The following UGGT2 variants were observed in gnomAD, a reference collection of about 807,000 sequenced individuals.
UGGT2 encodes the protein UDP-glucose glycoprotein glucosyltransferase 2.
A neutral mutation model predicts 192.1 loss-of-function variants in UGGT2; 180 were observed. The observed-to-expected ratio is 0.94, with a 90% CI of 0.83 to 1.06. The LOEUF (loss-of-function observed/expected upper bound fraction) is 1.06. UGGT2 is among the 50% of genes least tolerant of loss of function. The pLI is 0.00. For synonymous variants in UGGT2, 580 were observed against 591.0 expected (o/e 0.98, Z 0.27); for missense variants, 1,849 against 1,795.7 (o/e 1.03, Z -0.54).
In UGGT2 at chr13:95,890,945, G is replaced by A; in HGVS notation, c.2875C>T (p.Gln959Ter). Residue 959 changes from glutamine (Q) to a stop codon, truncating the protein, a stop_gained, in exon 25 of 39, where the codon CAA becomes TAA. Coordinates refer to ENST00000376747, the MANE Select transcript of UGGT2 (RefSeq NM_020121.4). LOFTEE classifies it high-confidence loss of function. ...ACATTGAAGAACATATCATTCTCTTGAGGATTCGTCTTTATAACACTAAGA... is the reference window on the plus strand; with the variant it reads ...ACATTGAAGAACATATCATTCTCTTAAGGATTCGTCTTTATAACACTAAGA... Reference protein sequence around the residue: ...ENHSVIKTNPQENDMFFNVIA... With the variant: ...ENHSVIKTNP 6.2e-7 allele frequency: 1 copy of A among 1,611,668 alleles called. No individual in the cohort carries two copies. Among genetic ancestry groups the A allele is most frequent in the South Asian group, 1.1e-5 (1 of 90,756 alleles).
At chr13:95,802,650 A>C (rs1039714662) in intron 38 of UGGT2, among the ~76,000 whole-genome samples, 2 of 152,146 alleles carry the variant, frequency 1.3e-5, no homozygotes, top group South Asian at 2.1e-4. Flanking sequence ...CTGATGGAGG[A>C]GGCTGGACGA....
intron 36 of UGGT2, among the ~76,000 whole-genome samples, chr13:95,838,574 T>C (rs1887542532): frequency 1.3e-5 from 2 of 152,068 alleles, no homozygotes; most frequent in African/African-American, 4.8e-5. Context: ...CAAAACAGTG[T>C]GGTATTGGAA....
At chr13:95,860,717 T>G in intron 32 of UGGT2, 71 bp downstream of exon 32, 1 of 1,048,894 alleles carries the variant, frequency 9.5e-7, no homozygotes. Context: ...GTATATTCCT[T>G]TATTTTTTTT....
At chr13:95,954,931 ATC>A (rs1594428766) in intron 12 of UGGT2, among the ~76,000 whole-genome samples, 1 of 152,206 alleles carries the variant, frequency 6.6e-6, no homozygotes, top group East Asian at 1.9e-4. Context: ...AAAAACTGAA[ATC>A]TGAAACCCTT....
intron 37 of UGGT2, among the ~76,000 whole-genome samples, chr13:95,833,414 T>C (rs1332287083): frequency 6.6e-6 from 1 of 152,160 alleles, no homozygotes; most frequent in East Asian, 1.9e-4. Context: ...TAGAAAAACA[T>C]GGAAATGGCA....
intron 5 of UGGT2, among the ~76,000 whole-genome samples, chr13:96,007,790 A>T (rs1452273877): frequency 2.6e-5 from 4 of 152,224 alleles, no homozygotes. Context: ...ATCGAAGAGA[A>T]CACCAAAAAA....
intron 10 of UGGT2, among the ~76,000 whole-genome samples, chr13:95,980,300 T>G (rs2051077299): frequency 6.6e-6 from 1 of 152,242 alleles, no homozygotes; most frequent in Non-Finnish European, 1.5e-5. Flanking sequence ...AAATGGCATT[T>G]GTGCAACCTG....
intron 27 of UGGT2, among the ~76,000 whole-genome samples, chr13:95,878,127 G>A (rs1473131261): frequency 2.0e-5 from 3 of 151,810 alleles, no homozygotes; most frequent in African/African-American, 7.3e-5. Flanking sequence ...ACGTGAACAT[G>A]AGATTTAGAT....
chr13:95,963,008 T>C (rs1391792171), intron 12 of UGGT2, among the ~76,000 whole-genome samples: 1 of 152,128 alleles, frequency 6.6e-6, no homozygotes, highest in Non-Finnish European at 1.5e-5. Context: ...TTATTCACTA[T>C]CATGAGAACA....
At chr13:96,015,223 A>G (rs2052292622) in intron 4 of UGGT2, among the ~76,000 whole-genome samples, 1 of 151,376 alleles carries the variant, frequency 6.6e-6, no homozygotes, top group Admixed American at 6.6e-5. Flanking sequence ...GCTTGCAGTG[A>G]GCCGAGATCG....
Position 95,980,526 on chromosome 13 carries a change from A to G in UGGT2, c.1092+3278T>C, listed in dbSNP as rs1444449930. ...GGTACACTGTTCAGGTGATGGGTGC[A>G]CCAAAATCTCAGAAATCACCACTAA... On this transcript the variant is annotated intron_variant, in intron 10 of 38. Transcript: ENST00000376747. Among the ~76,000 whole-genome samples, 3 of 152,200 alleles carry G rather than the reference A, an allele frequency of 2.0e-5. No homozygotes were observed. The South Asian group carries it at 6.2e-4, about 32-fold the overall frequency.
At chr13:95,807,029 T>C (rs1043586209) in intron 38 of UGGT2, among the ~76,000 whole-genome samples, 2 of 152,152 alleles carry the variant, frequency 1.3e-5, no homozygotes, top group African/African-American at 2.4e-5. Flanking sequence ...CCCTGCACAG[T>C]TGAAAATCCA....
intron 29 of UGGT2, 123 bp downstream of exon 29, chr13:95,877,156 A>T: frequency 2.6e-6 from 2 of 772,430 alleles, no homozygotes; most frequent in Non-Finnish European, 4.0e-6. Flanking sequence ...TGTTGGGATT[A>T]CAGGCTTGAG....
intron 9 of UGGT2, chr13:95,985,135 T>A: frequency 2.0e-6 from 1 of 501,374 alleles, no homozygotes; most frequent in East Asian, 8.0e-5. Context: ...AACTGTCTGA[T>A]CAAGACTAAA....
chr13:95,925,325 A>G (rs915009301), intron 20 of UGGT2, among the ~76,000 whole-genome samples: 2 of 152,204 alleles, frequency 1.3e-5, no homozygotes, highest in Non-Finnish European at 2.9e-5. Flanking sequence ...TATGTGACCA[A>G]AAATTGCTAT....
intron 26 of UGGT2, among the ~76,000 whole-genome samples, chr13:95,884,916 C>T (rs894251371): frequency 2.6e-5 from 4 of 152,120 alleles, no homozygotes; most frequent in African/African-American, 9.7e-5. Context: ...CCTTAATGAA[C>T]ATGATTAGAA....
intron 17 of UGGT2, among the ~76,000 whole-genome samples, chr13:95,934,838 G>A (rs778199272): frequency 1.2e-4 from 19 of 152,106 alleles, no homozygotes; most frequent in Non-Finnish European, 2.4e-4. Context: ...GTCTGACTGG[G>A]TTAGTTCAAT....
In UGGT2 at chr13:95,820,869, C is replaced by T. The variant is rs1885441174; in HGVS notation, c.4528+12058G>A. ...AACATACGGTATTTGACTTTCCATTCCGGAATTACTTCACTTAGAATAATG... is the reference window on the plus strand; with the variant it reads ...AACATACGGTATTTGACTTTCCATTTCGGAATTACTTCACTTAGAATAATG... On this transcript the variant is annotated intron_variant, in intron 38 of 38. Transcript: ENST00000376747. Among the ~76,000 whole-genome samples the T allele has an allele frequency of 3.3e-5, 5 of 152,050 alleles. No homozygotes were observed. In the South Asian group the frequency reaches 8.3e-4, roughly 25 times the overall value.
chr13:95,941,588 T>C (rs2049682173), intron 15 of UGGT2, among the ~76,000 whole-genome samples: 1 of 152,164 alleles, frequency 6.6e-6, no homozygotes, highest in African/African-American at 2.4e-5. Flanking sequence ...GTCATTCAGA[T>C]TAGTCATTTT....
Sources: gnomAD v4.1 joint callset for allele counts (sites outside exome capture counted in the v4.1 genomes callset) on GRCh38, gnomAD v4.1.1 for gene constraint, MANE v1.5 for transcripts, NCBI Gene and HGNC (gene_info 2026-07-23, HGNC 2026-07-21) for gene names.